The following ARHGAP12 variants were observed in gnomAD, a reference collection of about 807,000 sequenced individuals.
ARHGAP12 encodes the protein Rho GTPase activating protein 12, also known as rho GTPase-activating protein 12.
A neutral mutation model predicts 108.6 loss-of-function variants in ARHGAP12; 64 were observed. That is an observed-to-expected ratio of 0.59 (90% CI 0.48 to 0.73). The LOEUF (loss-of-function observed/expected upper bound fraction) is 0.73. Ranked by LOEUF, ARHGAP12 falls within the 30% of genes least tolerant of loss-of-function variation. The probability of loss-of-function intolerance (pLI) is 0.00; values close to 1 mark genes in which losing one functional copy is unlikely to be tolerated. For synonymous variants in ARHGAP12, 312 were observed against 337.2 expected, an observed-to-expected ratio of 0.93 and a Z score of 0.82; for missense variants, 940 against 1,005.9, an observed-to-expected ratio of 0.93 and a Z score of 0.89.
chr10:31,814,370 T>C lies in ARHGAP12; in HGVS notation c.1732-9A>G, dbSNP rs1397666544. The stretch of plus-strand genomic sequence containing the variant: ...TCATCAGTTTCTACTGCCTATTGGT[T>C]AGATATTTCCCAAACACATATTACA... On this transcript the variant is annotated splice_polypyrimidine_tract_variant and intron_variant, in intron 13 of 19. Transcript: ENST00000344936. The C allele has an allele frequency of 6.3e-7, 1 of 1,595,024 alleles. No individual in the cohort carries two copies. Among genetic ancestry groups the C allele is most frequent in the Middle Eastern group, 1.7e-4 (1 of 6,016 alleles).
chr10:31,896,664 CA>C (rs1173391346), intron 3 of ARHGAP12, among the ~76,000 whole-genome samples: 1 of 151,954 alleles, frequency 6.6e-6, no homozygotes, highest in African/African-American at 2.4e-5. Context: ...CTTAATAAAC[CA>C]TACAAAAACA....
At chr10:31,924,659 T>C (rs1411694666) in intron 1 of ARHGAP12, among the ~76,000 whole-genome samples, 1 of 152,076 alleles carries the variant, frequency 6.6e-6, no homozygotes, top group Non-Finnish European at 1.5e-5. Context: ...TGTAGCAAAA[T>C]ATAGGAAATT....
intron 3 of ARHGAP12, among the ~76,000 whole-genome samples, chr10:31,907,722 A>T (rs1444350963): frequency 2.0e-5 from 3 of 152,158 alleles, no homozygotes; most frequent in Admixed American, 2.0e-4. Context: ...TTAGACACTT[A>T]AGACAAAAGT....
intron 3 of ARHGAP12, among the ~76,000 whole-genome samples, chr10:31,883,303 A>G (rs1200338466): frequency 6.6e-6 from 1 of 152,232 alleles, no homozygotes; most frequent in Non-Finnish European, 1.5e-5. Flanking sequence ...TTCAAAAAAA[A>G]AGAAATACCT....
intron 3 of ARHGAP12, among the ~76,000 whole-genome samples, chr10:31,866,020 TG>T (rs1837310790): frequency 6.6e-6 from 1 of 152,188 alleles, no homozygotes; most frequent in Non-Finnish European, 1.5e-5. Context: ...TGAATTAAAA[TG>T]AGAACATAAG....
chr10:31,878,209 A>G (rs375679223), intron 3 of ARHGAP12, among the ~76,000 whole-genome samples: 3 of 143,794 alleles, frequency 2.1e-5, no homozygotes, highest in South Asian at 2.3e-4. Flanking sequence ...GGAAAACAGA[A>G]TAAGTTGAAA....
At chr10:31,865,483 A>C (rs1837288725) in intron 3 of ARHGAP12, among the ~76,000 whole-genome samples, 1 of 152,122 alleles carries the variant, frequency 6.6e-6, no homozygotes, top group African/African-American at 2.4e-5. Flanking sequence ...CAGGAGTTAC[A>C]TTTAGATTGC....
intron 13 of ARHGAP12, among the ~76,000 whole-genome samples, chr10:31,817,152 A>G (rs187403603): frequency 6.8e-4 from 103 of 152,210 alleles, no homozygotes; most frequent in African/African-American, 2.4e-3. Flanking sequence ...TCAAGGCTGC[A>G]GTGAGCTATG....
chr10:31,869,676 T>G (rs2132331311), intron 3 of ARHGAP12, among the ~76,000 whole-genome samples: 1 of 152,334 alleles, frequency 6.6e-6, no homozygotes, highest in East Asian at 1.9e-4. Context: ...AATTTCATAT[T>G]TAAAAAAGAC....
At chr10:31,913,544 A>G (rs967153980) in intron 1 of ARHGAP12, 2 of 172,452 alleles carry the variant, frequency 1.2e-5, no homozygotes, top group East Asian at 1.7e-4. Flanking sequence ...GCAGGTGACA[A>G]GCAACCTTAT....
intron 1 of ARHGAP12, among the ~76,000 whole-genome samples, chr10:31,927,283 C>G (rs1312937419): frequency 1.5e-5 from 2 of 133,210 alleles, no homozygotes; most frequent in Non-Finnish European, 3.2e-5. Flanking sequence ...AGGAAGATGA[C>G]CGATTCTGTA....
Position 31,887,073 on chromosome 10 carries a change from G to C in ARHGAP12, c.684+21099C>G, listed in dbSNP as rs149195902. 2.0e-5 allele frequency among the ~76,000 whole-genome samples: 3 copies of C among 152,346 alleles called. No homozygotes were observed. The East Asian group carries it at 5.8e-4, about 29-fold the overall frequency. Reference sequence around the variant, plus strand: ...ACATACAGGGAGACAGAGGCAGAAAGAGATTTATTTTAAGATGTATTTATT... The same window carrying C: ...ACATACAGGGAGACAGAGGCAGAAACAGATTTATTTTAAGATGTATTTATT... On this transcript the variant is annotated intron_variant, in intron 3 of 19. Coordinates refer to ENST00000344936, the MANE Select transcript of ARHGAP12 (RefSeq NM_018287.7).
At chr10:31,883,677 T>C (rs921468860) in intron 3 of ARHGAP12, among the ~76,000 whole-genome samples, 1 of 152,158 alleles carries the variant, frequency 6.6e-6, no homozygotes, top group African/African-American at 2.4e-5. Context: ...TTTCATACTG[T>C]GCTTTCCTTT....
intron 3 of ARHGAP12, among the ~76,000 whole-genome samples, chr10:31,866,053 T>G (rs1837311600): frequency 6.6e-6 from 1 of 152,208 alleles, no homozygotes. Flanking sequence ...CATATGATCT[T>G]GCATAGTGAT....
intron 3 of ARHGAP12, among the ~76,000 whole-genome samples, chr10:31,904,216 C>A (rs561392396): frequency 1.3e-5 from 2 of 152,290 alleles, no homozygotes; most frequent in African/African-American, 4.8e-5. Context: ...CCTAGATATT[C>A]TTTTATGGAT....
chr10:31,850,115 G>C (rs1179700101), intron 6 of ARHGAP12, among the ~76,000 whole-genome samples: 3 of 152,170 alleles, frequency 2.0e-5, no homozygotes, highest in African/African-American at 4.8e-5. Flanking sequence ...AAACCACTAT[G>C]AAGAAAGATA....
chr10:31,854,289 T>C lies in ARHGAP12; in HGVS notation c.949-83A>G, dbSNP rs2132287378. The C allele has an allele frequency of 3.3e-6, 4 of 1,225,226 alleles. No homozygotes were observed. In the South Asian group the frequency reaches 4.8e-5, roughly 15 times the overall value. 75.9% of individuals were successfully genotyped at this position (1,225,226 alleles called of 1,614,324 possible). On this transcript the variant is annotated intron_variant, in intron 4 of 19. Transcript: ENST00000344936. ...TGAAAATCTAATAAATAAATTTTAC[T>C]TGACTATAAGTATGAAGATATCTTA...
chr10:31,878,874 A>G (rs959504712), intron 3 of ARHGAP12, among the ~76,000 whole-genome samples: 1 of 152,262 alleles, frequency 6.6e-6, no homozygotes, highest in Non-Finnish European at 1.5e-5. Context: ...AAAACCATGT[A>G]CACAAAAATC....
intron 3 of ARHGAP12, among the ~76,000 whole-genome samples, chr10:31,881,937 C>T (rs1382244720): frequency 9.5e-4 from 133 of 139,374 alleles, no homozygotes; most frequent in African/African-American, 3.4e-3. Flanking sequence ...TTTTTTGAGA[C>T]GGAGTCTCGC....
Sources: allele counts gnomAD v4.1 joint callset (sites outside exome capture counted in the v4.1 genomes callset), GRCh38; gene constraint gnomAD v4.1.1; transcripts MANE v1.5; gene names NCBI Gene and HGNC (gene_info 2026-07-23, HGNC 2026-07-21).